CLIC5: variants seen among roughly 807,000 people sequenced by gnomAD.
The protein encoded by CLIC5 is CLIC family member 5, also known as chloride intracellular channel protein 5.
Under a neutral mutation model 24.7 loss-of-function variants are expected in CLIC5, and 20 were observed. That is an observed-to-expected ratio of 0.81 (90% CI 0.57 to 1.18). The LOEUF (loss-of-function observed/expected upper bound fraction) is 1.18, where lower values mean the gene tolerates loss of function less well. Ranked by LOEUF, CLIC5 falls within the 50% of genes most tolerant of loss-of-function variation. The pLI is 0.00. For synonymous variants in CLIC5, 159 were observed against 135.6 expected, an observed-to-expected ratio of 1.17 and a Z score of -1.20; for missense variants, 341 against 326.1, an observed-to-expected ratio of 1.05 and a Z score of -0.35.
chr6:46,053,361 A>G (rs1488331211), intron 1 of CLIC5, among the ~76,000 whole-genome samples: 1 of 152,192 alleles, frequency 6.6e-6, no homozygotes, highest in Non-Finnish European at 1.5e-5. Flanking sequence ...AGAAATTCAG[A>G]GGTGCTATAT....
At chr6:45,979,584 A>G (rs1372661282) in intron 1 of CLIC5, among the ~76,000 whole-genome samples, 1 of 151,296 alleles carries the variant, frequency 6.6e-6, no homozygotes, top group Non-Finnish European at 1.5e-5. Context: ...GCATAAGATT[A>G]GCACCTGTGA....
the CLIC5 span, among the ~76,000 whole-genome samples, chr6:46,111,442 C>T: frequency 6.6e-6 from 1 of 152,102 alleles, no homozygotes; most frequent in Admixed American, 6.6e-5. Context: ...TTAGAAATAC[C>T]TCTTACTAAA....
At chr6:46,084,818 CT>C (rs1468518270), upstream of CLIC5, among the ~76,000 whole-genome samples, 2 of 152,190 alleles carry the variant, frequency 1.3e-5, no homozygotes, top group Non-Finnish European at 2.9e-5. Flanking sequence ...TGAATGTTGG[CT>C]TGCCTTGCTA....
chr6:46,040,556 G>T (rs867300938), intron 1 of CLIC5, among the ~76,000 whole-genome samples: 1 of 151,976 alleles, frequency 6.6e-6, no homozygotes, highest in African/African-American at 2.4e-5. Flanking sequence ...ATTGATAAAG[G>T]TGATAATGAT....
chr6:45,952,186 A>C (rs968807232), intron 2 of CLIC5, among the ~76,000 whole-genome samples: 5 of 152,186 alleles, frequency 3.3e-5, no homozygotes, highest in African/African-American at 4.8e-5. Flanking sequence ...CACTGGAGTC[A>C]GACGCCCTTG....
intron 1 of CLIC5, among the ~76,000 whole-genome samples, chr6:46,024,746 G>A (rs896780778): frequency 6.6e-6 from 1 of 152,292 alleles, no homozygotes; most frequent in Non-Finnish European, 1.5e-5. Context: ...GAGGGCTGTA[G>A]GCAAGAGGTG....
At chr6:46,083,834 A>G (rs943147078), upstream of CLIC5, among the ~76,000 whole-genome samples, 258 of 151,598 alleles carry the variant, frequency 1.7e-3, 1 homozygote, top group Non-Finnish European at 1.4e-3. Context: ...TATCCTTGTT[A>G]ACTTTCTGTC....
intron 1 of CLIC5, among the ~76,000 whole-genome samples, chr6:46,003,179 C>T (rs1766422007): frequency 6.6e-6 from 1 of 152,188 alleles, no homozygotes; most frequent in Non-Finnish European, 1.5e-5. Context: ...TTCAGAATAG[C>T]AGTTAGCCAC....
At chr6:45,933,571 A>T (rs1397574366) in intron 4 of CLIC5, among the ~76,000 whole-genome samples, 1 of 152,244 alleles carries the variant, frequency 6.6e-6, no homozygotes, top group South Asian at 2.1e-4. Context: ...GAAGCACCTT[A>T]TTAGGACAAG....
chr6:45,956,446 T>C (rs1457365959), intron 1 of CLIC5, among the ~76,000 whole-genome samples: 1 of 149,226 alleles, frequency 6.7e-6, no homozygotes, highest in Non-Finnish European at 1.5e-5. Flanking sequence ...ATCCGACCAA[T>C]ATCCAGGAAT....
chr6:45,974,273 C>A (rs1231151586), intron 1 of CLIC5, among the ~76,000 whole-genome samples: 2 of 151,790 alleles, frequency 1.3e-5, no homozygotes, highest in African/African-American at 4.8e-5. Flanking sequence ...GACACCTTCT[C>A]TGCCTATCAG....
chr6:46,026,013 A>G (rs901858416), intron 1 of CLIC5, among the ~76,000 whole-genome samples: 1 of 152,192 alleles, frequency 6.6e-6, no homozygotes, highest in African/African-American at 2.4e-5. Flanking sequence ...TAAATTACCC[A>G]GTCTCAGGTA....
At chr6:45,937,319 C>G (rs546211939) in intron 4 of CLIC5, 1 of 152,286 alleles carries the variant, frequency 6.6e-6, no homozygotes, top group South Asian at 2.1e-4. Flanking sequence ...AGTTACGAGG[C>G]CAGACACTGC....
rs187897856 is a variant in CLIC5, at chr6:45,903,148, T to A, written c.696A>T (p.Ala232=). ...YARDEFTNTC[A]ADSEIELAYA... ...AGGCCAACTCGATCTCACTGTCAGC[T>A]GCACAGGTGTTGGTGAACTCATCAC... Residue 232 remains alanine, a synonymous_variant, in exon 6 of 6, where the codon GCA becomes GCT. Coordinates refer to ENST00000339561, the MANE Select transcript of CLIC5 (RefSeq NM_016929.5). The A allele has an allele frequency of 1.9e-4, 314 of 1,614,212 alleles. 1 individual carries two copies. The East Asian group carries it at 4.0e-3, about 21-fold the overall frequency.
chr6:45,997,658 C>T (rs1766199988), intron 1 of CLIC5, among the ~76,000 whole-genome samples: 1 of 152,044 alleles, frequency 6.6e-6, no homozygotes, highest in Non-Finnish European at 1.5e-5. Context: ...AAAAATACTC[C>T]CAAAATACAA....
rs202004774 is a variant in CLIC5, at chr6:46,071,364, AT to A, written c.540+8338del. 6.3e-3 allele frequency among the ~76,000 whole-genome samples: 961 copies of A among 152,142 alleles called. 8 individuals are homozygous for A. Among genetic ancestry groups the A allele is most frequent in the African/African-American group, 0.022 (903 of 41,514 alleles). On this transcript the variant is annotated intron_variant, in intron 1 of 5. Transcript: ENST00000185206. ...TATCCAGCATCTAAAAGGAACTTAA[AT>A]TTTTTTTCATATAAATTTAACAAAT...
chr6:46,085,103 G>A (rs1379752806), upstream of CLIC5, among the ~76,000 whole-genome samples: 3 of 152,116 alleles, frequency 2.0e-5, no homozygotes, highest in Non-Finnish European at 4.4e-5. Flanking sequence ...CGTAGTTCTG[G>A]AGCCTTGGCT....
intron 4 of CLIC5, among the ~76,000 whole-genome samples, chr6:45,933,951 G>T (rs1280316011): frequency 1.3e-5 from 2 of 152,202 alleles, no homozygotes; most frequent in Admixed American, 1.3e-4. Context: ...AGTCAGCAGG[G>T]CCTGGAGTCT....
At chr6:45,945,792 G>T (rs1283586112) in intron 3 of CLIC5, among the ~76,000 whole-genome samples, 1 of 152,082 alleles carries the variant, frequency 6.6e-6, no homozygotes, top group Non-Finnish European at 1.5e-5. Flanking sequence ...TTTTTACTGT[G>T]GTGAGTTATC....
Sources: allele counts gnomAD v4.1 joint callset (sites outside exome capture counted in the v4.1 genomes callset), GRCh38; gene constraint gnomAD v4.1.1; transcripts MANE v1.5; gene names NCBI Gene and HGNC (gene_info 2026-07-23, HGNC 2026-07-21).